Variants in ST3GAL6 observed in about 807,000 individuals in gnomAD.
The protein encoded by ST3GAL6 is ST3 beta-galactoside alpha-2,3-sialyltransferase 6, also known as type 2 lactosamine alpha-2,3-sialyltransferase.
In ST3GAL6, 31 loss-of-function variants were observed where a neutral mutation model predicts 40.5. That is an observed-to-expected ratio of 0.77 (90% CI 0.58 to 1.03). The LOEUF (loss-of-function observed/expected upper bound fraction) is 1.03. Ranked by LOEUF, ST3GAL6 falls within the 50% of genes least tolerant of loss-of-function variation. The probability of loss-of-function intolerance (pLI) is 0.00; values close to 1 mark genes in which losing one functional copy is unlikely to be tolerated. For missense variants in ST3GAL6, 357 were observed against 393.2 expected (o/e 0.91, Z 0.78); for synonymous variants, 129 against 136.9 (o/e 0.94, Z 0.40).
At chr3:98,769,162 C>A (rs1355974321) in intron 2 of ST3GAL6, among the ~76,000 whole-genome samples, 1 of 152,152 alleles carries the variant, frequency 6.6e-6, no homozygotes, top group East Asian at 1.9e-4. Context: ...CTGTCTTAGA[C>A]AAAGAGTCAG....
intron 8 of ST3GAL6, 135 bp from the exon 9 acceptor site, chr3:98,791,706 T>TA (rs1941220256): frequency 2.6e-6 from 2 of 771,292 alleles, no homozygotes; most frequent in Admixed American, 4.9e-5. Context: ...TTGAGCCTTA[T>TA]AATGAGAGTT....
At chr3:98,776,013 AT>A (rs1939517089) in intron 5 of ST3GAL6, among the ~76,000 whole-genome samples, 1 of 152,254 alleles carries the variant, frequency 6.6e-6, no homozygotes, top group Admixed American at 6.5e-5. Flanking sequence ...GTTTTGTAAC[AT>A]CACAGATGTT....
chr3:98,771,215 G>A (rs1363463287), intron 3 of ST3GAL6: 1 of 1,323,092 alleles, frequency 7.6e-7, no homozygotes, highest in Admixed American at 2.5e-5. Context: ...GTCTATTTGT[G>A]TTTGATTATA....
chr3:98,763,599 T>A (rs1397159545), intron 1 of ST3GAL6, among the ~76,000 whole-genome samples, 160 bp downstream of exon 1: 1 of 152,234 alleles, frequency 6.6e-6, no homozygotes, highest in Admixed American at 6.5e-5. Flanking sequence ...AGGAGTATTA[T>A]TGAACAGCAG....
At chr3:98,784,591 C>G (rs1940503049) in intron 5 of ST3GAL6, 1 of 198,918 alleles carries the variant, frequency 5.0e-6, no homozygotes, top group Non-Finnish European at 1.0e-5. Flanking sequence ...ATGCTAGTTC[C>G]ACTTTGGAGT....
At chr3:98,766,406 T>A (rs963132422) in intron 1 of ST3GAL6, among the ~76,000 whole-genome samples, 3 of 22,126 alleles carry the variant, frequency 1.4e-4, no homozygotes, top group Admixed American at 6.2e-4. Flanking sequence ...AATGTCATTC[T>A]TTTTTTTTTT....
At chr3:98,735,512 C>A (rs886325261) in intron 1 of ST3GAL6, among the ~76,000 whole-genome samples, 1 of 152,110 alleles carries the variant, frequency 6.6e-6, no homozygotes, top group African/African-American at 2.4e-5. Context: ...CAGGGTCTGG[C>A]GAAATCTAGG....
intron 1 of ST3GAL6, among the ~76,000 whole-genome samples, chr3:98,757,987 C>T (rs1459557612): frequency 2.0e-5 from 3 of 152,098 alleles, no homozygotes; most frequent in South Asian, 4.1e-4. Context: ...CAGGCGTGCA[C>T]CACCACGTCT....
chr3:98,771,797 G>T (rs115183533), intron 3 of ST3GAL6, among the ~76,000 whole-genome samples: 2 of 152,064 alleles, frequency 1.3e-5, no homozygotes, highest in Admixed American at 1.3e-4. Context: ...AGGGGTGTGC[G>T]TCCAGTGAGG....
At chr3:98,753,204 A>G (rs1375600571) in intron 1 of ST3GAL6, among the ~76,000 whole-genome samples, 3 of 152,202 alleles carry the variant, frequency 2.0e-5, no homozygotes, top group Non-Finnish European at 4.4e-5. Flanking sequence ...TATTGCTGAT[A>G]TATAGAGAGT....
chr3:98,743,202 T>C (rs1936266247), intron 1 of ST3GAL6, among the ~76,000 whole-genome samples: 1 of 151,600 alleles, frequency 6.6e-6, no homozygotes, highest in African/African-American at 2.4e-5. Context: ...GTATTTTTCC[T>C]GGAGATGGGG....
chr3:98,734,822 C>T (rs772887696), intron 1 of ST3GAL6, among the ~76,000 whole-genome samples: 11 of 152,166 alleles, frequency 7.2e-5, no homozygotes, highest in Non-Finnish European at 1.2e-4. Flanking sequence ...CAGTGGCAGA[C>T]GACTGGATTT....
intron 1 of ST3GAL6, among the ~76,000 whole-genome samples, chr3:98,745,937 T>C (rs957322143): frequency 1.3e-5 from 2 of 152,184 alleles, no homozygotes; most frequent in Non-Finnish European, 2.9e-5. Flanking sequence ...GGCTTGCCTT[T>C]AGTACATCCA....
chr3:98,762,117 A>G (rs139496797), upstream of ST3GAL6, among the ~76,000 whole-genome samples: 2,295 of 152,294 alleles, frequency 0.015, 64 homozygotes, highest in African/African-American at 0.053. Context: ...GGCTTTGTTG[A>G]AAAGCTGAAA....
chr3:98,785,468 A>G (rs921213334), intron 6 of ST3GAL6, among the ~76,000 whole-genome samples: 5 of 152,212 alleles, frequency 3.3e-5, no homozygotes, highest in Admixed American at 6.5e-5. Context: ...ACACAGCAAC[A>G]GCCATATGAA....
intron 1 of ST3GAL6, among the ~76,000 whole-genome samples, chr3:98,738,645 T>G (rs1180189619): frequency 6.6e-6 from 1 of 152,000 alleles, no homozygotes; most frequent in East Asian, 1.9e-4. Flanking sequence ...TGATAAAGGG[T>G]TCAATTCAAC....
intron 5 of ST3GAL6, among the ~76,000 whole-genome samples, chr3:98,780,085 G>A (rs922209355): frequency 1.3e-5 from 2 of 152,206 alleles, no homozygotes; most frequent in African/African-American, 4.8e-5. Context: ...GGCAGAGGAA[G>A]CCAGAATCAC....
intron 1 of ST3GAL6, chr3:98,732,691 G>A: frequency 4.9e-6 from 3 of 618,514 alleles, no homozygotes. Context: ...CGACTCCGGA[G>A]GCGCTCGGCG....
intron 6 of ST3GAL6, among the ~76,000 whole-genome samples, chr3:98,785,820 G>GC (rs1940647394): frequency 6.6e-6 from 1 of 152,210 alleles, no homozygotes; most frequent in African/African-American, 2.4e-5. Flanking sequence ...CAATTAGGTT[G>GC]CTGTATTCGG....
Sources: allele counts gnomAD v4.1 joint callset (sites outside exome capture counted in the v4.1 genomes callset), GRCh38; gene constraint gnomAD v4.1.1; transcripts MANE v1.5; gene names NCBI Gene and HGNC (gene_info 2026-07-23, HGNC 2026-07-21).